Variants in C8A observed in about 807,000 individuals in gnomAD.
The protein encoded by C8A is complement C8 alpha chain, also known as complement component C8 alpha chain.
C8A carries 67 observed loss-of-function variants against 65.3 expected under a neutral mutation model. The observed-to-expected ratio is 1.03, with a 90% CI of 0.84 to 1.26. C8A has a LOEUF of 1.26. C8A is among the 50% of genes most tolerant of loss of function. C8A has a pLI of 0.00. For synonymous variants in C8A, 290 were observed against 259.4 expected (o/e 1.12, Z -1.13); for missense variants, 781 against 723.9 (o/e 1.08, Z -0.90).
chr1:56,906,666 G>C lies in C8A; in HGVS notation c.1097-1G>C. 6.2e-7 allele frequency: 1 copy of C among 1,614,016 alleles called. No individual in the cohort carries two copies. Among genetic ancestry groups the C allele is most frequent in the Non-Finnish European group, 8.5e-7 (1 of 1,179,950 alleles). ...TGTGTTTCTCTGTCTCCCTGTTGCA[G>C]GTATTACCAGCAGAGATATCACGAC... On this transcript the variant is annotated splice_acceptor_variant, in intron 7 of 10. Coordinates refer to ENST00000361249, the MANE Select transcript of C8A (RefSeq NM_000562.3). LOFTEE classifies it high-confidence loss of function.
chr1:56,902,389 T>C (rs1644433324), intron 7 of C8A, among the ~76,000 whole-genome samples: 1 of 152,212 alleles, frequency 6.6e-6, no homozygotes, highest in African/African-American at 2.4e-5. Context: ...TTTTTTCCTT[T>C]CTTCAAGTAA....
rs374808537 is a variant in C8A at position 56,912,403 on chromosome 1, A to T, written c.1381A>T (p.Met461Leu). 1 of 1,614,072 alleles carries T rather than the reference A, an allele frequency of 6.2e-7. No homozygotes were observed. The highest frequency in any genetic ancestry group is 8.5e-7 in the Non-Finnish European group (1 of 1,179,934). ...KYNPVVIDFE[M>L]QPIHEVLRHT... is the part of the protein sequence containing the mutation. ...CCCTGTGTTCTTTCTGTGCCCACAG[A>T]TGCAGCCTATCCACGAGGTGCTGCG... The change falls in exon 10 of 11, where the codon ATG (methionine) becomes TTG (leucine). Residue 461 changes from methionine (M) to leucine (L), a missense_variant and splice_region_variant. Met to Leu is a conservative substitution (Grantham distance 15). Coordinates refer to ENST00000361249, the MANE Select transcript of C8A (RefSeq NM_000562.3).
intron 7 of C8A, among the ~76,000 whole-genome samples, chr1:56,886,622 C>G (rs542378492): frequency 6.6e-6 from 1 of 152,118 alleles, no homozygotes; most frequent in Admixed American, 6.6e-5. Context: ...TTCTTCCACT[C>G]TCCTCCATCT....
intron 7 of C8A, among the ~76,000 whole-genome samples, chr1:56,887,902 A>G (rs1267639694): frequency 3.9e-5 from 6 of 152,178 alleles, no homozygotes; most frequent in Admixed American, 3.3e-4. Flanking sequence ...CAAACACCAC[A>G]GGTTCTCACT....
At position 56,878,139 on chromosome 1, in the gene C8A, C is replaced by T. The variant is rs542006339; in HGVS notation, c.464+1930C>T. On this transcript the variant is annotated intron_variant, in intron 4 of 10. Coordinates refer to ENST00000361249, the MANE Select transcript of C8A (RefSeq NM_000562.3). Reference sequence around the variant, plus strand: ...CCTGTGTCTGCACATGTTCTTCCCTCGTACATATCTGTGTCCTAATTTCCC... The same window carrying T: ...CCTGTGTCTGCACATGTTCTTCCCTTGTACATATCTGTGTCCTAATTTCCC... 9.2e-5 allele frequency among the ~76,000 whole-genome samples: 14 copies of T among 152,232 alleles called. No homozygotes were observed. The South Asian group carries it at 2.5e-3, about 27-fold the overall frequency.
At position 56,912,412 on chromosome 1, in the gene C8A, A is replaced by C. The variant is rs756043594; in HGVS notation, c.1390A>C (p.Ile464Leu). The change falls in exon 10 of 11, where the codon ATC becomes CTC. Residue 464 changes from isoleucine to leucine, a missense_variant. Physicochemically the swap from Ile to Leu is conservative, Grantham distance 5. Coordinates refer to ENST00000361249, the MANE Select transcript of C8A (RefSeq NM_000562.3). ...PVVIDFEMQP[I>L]HEVLRHTSLG... Reference sequence around the variant, plus strand: ...CTTTCTGTGCCCACAGATGCAGCCTATCCACGAGGTGCTGCGGCACACAAG... The same window carrying C: ...CTTTCTGTGCCCACAGATGCAGCCTCTCCACGAGGTGCTGCGGCACACAAG... 17 of 1,613,998 alleles carry C rather than the reference A, an allele frequency of 1.1e-5. No homozygotes were observed. Among genetic ancestry groups the C allele is most frequent in the Non-Finnish European group, 1.4e-5 (16 of 1,179,968 alleles).
chr1:56,885,935 T>A lies in C8A; in HGVS notation c.864T>A (p.Ile288=). Residue 288 remains isoleucine (I), a synonymous_variant, in exon 7 of 11, where the codon ATT becomes ATA. Coordinates refer to ENST00000361249, the MANE Select transcript of C8A (RefSeq NM_000562.3). ...ATGGCGGTTGCTGGCAGAAATTCAT[T>A]TTCACAAGAATCTTCACAAAGGTGC... ...ELNKYNEKKF[I]FTRIFTKVQT... 1 of 1,613,934 alleles carries A rather than the reference T, an allele frequency of 6.2e-7. No individual in the cohort carries two copies. Among genetic ancestry groups the A allele is most frequent in the Non-Finnish European group, 8.5e-7 (1 of 1,179,898 alleles).
At chr1:56,864,550 T>C (rs182180243) in intron 1 of C8A, among the ~76,000 whole-genome samples, 3 of 152,188 alleles carry the variant, frequency 2.0e-5, no homozygotes, top group Non-Finnish European at 2.9e-5. Context: ...CATGAATGAA[T>C]GACTTGGAGG....
At chr1:56,871,526 G>A (rs1359377811) in intron 2 of C8A, among the ~76,000 whole-genome samples, 1 of 152,168 alleles carries the variant, frequency 6.6e-6, no homozygotes, top group East Asian at 1.9e-4. Flanking sequence ...TCTTTGCAAT[G>A]TTCTCAGACA....
At chr1:56,908,202 C>G (rs1644482310) in intron 9 of C8A, 89 bp downstream of exon 9, 2 of 1,398,324 alleles carry the variant, frequency 1.4e-6, no homozygotes, top group Non-Finnish European at 2.0e-6. Context: ...TATTATGAGC[C>G]CATCAAAGAA....
At chr1:56,871,821 T>G (rs1208164703) in intron 2 of C8A, among the ~76,000 whole-genome samples, 1 of 152,182 alleles carries the variant, frequency 6.6e-6, no homozygotes, top group Non-Finnish European at 1.5e-5. Context: ...GAAGATTGGC[T>G]GCTAATTCAA....
intron 5 of C8A, among the ~76,000 whole-genome samples, chr1:56,882,424 CA>C (rs1644255268): frequency 6.6e-6 from 1 of 152,032 alleles, no homozygotes; most frequent in African/African-American, 2.4e-5. Flanking sequence ...AAAAGAAACA[CA>C]AAGGGTTAAA....
intron 10 of C8A, among the ~76,000 whole-genome samples, 195 bp from the exon 11 acceptor site, chr1:56,917,370 A>G (rs1365453043): frequency 1.3e-5 from 2 of 152,208 alleles, no homozygotes; most frequent in African/African-American, 2.4e-5. Flanking sequence ...CCCTTGCTAC[A>G]TCTGGACTAA....
At chr1:56,873,687 T>C (rs1644169937) in intron 2 of C8A, among the ~76,000 whole-genome samples, 1 of 152,146 alleles carries the variant, frequency 6.6e-6, no homozygotes, top group Non-Finnish European at 1.5e-5. Flanking sequence ...CTTACCTACA[T>C]ACTAACGTTC....
chr1:56,868,172 A>G (rs1219285631), intron 2 of C8A, among the ~76,000 whole-genome samples: 1 of 151,924 alleles, frequency 6.6e-6, no homozygotes, highest in African/African-American at 2.4e-5. Flanking sequence ...TACTTTGCCT[A>G]TCTAAATGGT....
chr1:56,860,832 G>C (rs1159896579), intron 1 of C8A, among the ~76,000 whole-genome samples: 1 of 152,166 alleles, frequency 6.6e-6, no homozygotes, highest in Admixed American at 6.5e-5. Context: ...AAAGAAGAAA[G>C]ACCGGACTGC....
chr1:56,862,271 A>G (rs1269152246), intron 1 of C8A, among the ~76,000 whole-genome samples: 1 of 152,204 alleles, frequency 6.6e-6, no homozygotes, highest in Non-Finnish European at 1.5e-5. Flanking sequence ...TAAGTAGCAG[A>G]AATCAGATTC....
chr1:56,866,689 G>A (rs1644091494), intron 1 of C8A, among the ~76,000 whole-genome samples: 1 of 152,200 alleles, frequency 6.6e-6, no homozygotes, highest in South Asian at 2.1e-4. Context: ...CTTTCCCAGT[G>A]GGCCAATCTG....
chr1:56,876,238 A>C (rs770645861), intron 4 of C8A, 29 bp downstream of exon 4: 1 of 1,612,940 alleles, frequency 6.2e-7, no homozygotes, highest in South Asian at 1.1e-5. Flanking sequence ...GCTATTTAGG[A>C]GCAGGGAATG....
Sources: gnomAD v4.1 joint callset for allele counts (sites outside exome capture counted in the v4.1 genomes callset) on GRCh38, gnomAD v4.1.1 for gene constraint, MANE v1.5 for transcripts, NCBI Gene and HGNC (gene_info 2026-07-23, HGNC 2026-07-21) for gene names.